The following MYO15A variants were observed in gnomAD, a reference collection of about 807,000 sequenced individuals.
The protein encoded by MYO15A is myosin XVA, also known as unconventional myosin-XV.
MYO15A carries 308 observed loss-of-function variants against 394.6 expected under a neutral mutation model. That is an observed-to-expected ratio of 0.78 (90% CI 0.71 to 0.86). The LOEUF (loss-of-function observed/expected upper bound fraction) is 0.86. Ranked by LOEUF, MYO15A falls within the 40% of genes least tolerant of loss-of-function variation. MYO15A has a pLI of 0.00. For synonymous variants in MYO15A, 1,957 were observed against 2,003.8 expected (o/e 0.98, Z 0.62); for missense variants, 4,606 against 4,799.1 (o/e 0.96, Z 1.19).
At position 18,153,448 on chromosome 17, in the gene MYO15A, G is replaced by C. The variant is rs902457785; in HGVS notation, c.7967-327G>C. 1 of 161,694 alleles carries C rather than the reference G, an allele frequency of 6.2e-6. No homozygotes were observed. Among genetic ancestry groups the C allele is most frequent in the Non-Finnish European group, 1.3e-5 (1 of 74,942 alleles). 10.0% of individuals were successfully genotyped at this position (161,694 alleles called of 1,614,324 possible). A position where few individuals can be genotyped will look rare whatever the true frequency, so the allele number is the denominator to read the frequency against. On this transcript the variant is annotated intron_variant, in intron 42 of 65. Coordinates refer to ENST00000647165, the MANE Select transcript of MYO15A (RefSeq NM_016239.4). This position sits in a 1 kb window ranked among gnomAD's most constrained non-coding sequence, Gnocchi z 4.1. ...GCAGTAGCTCATGCCTGTAATCCCA[G>C]CACTTTGGGAGGCCGAGGCGGGCGG...
rs1041983008 is a variant in MYO15A, at chr17:18,156,970, T to A, written c.8618T>A (p.Val2873Asp). ...CTGACCCAGGACTCTGACTACGTGG[T>A]CGCTGTGAGGAACTTCCTGCCTGAG... ...LELKKDSDYVVAVRNFLPEDP... is the reference protein window; with the variant it reads ...LELKKDSDYVDAVRNFLPEDP... The change falls in exon 49 of 66, where the codon GTC becomes GAC. Residue 2873 changes from valine to aspartate, a missense_variant. Val to Asp is a radical substitution (Grantham distance 152, BLOSUM62 -3). This residue lies in a region of MYO15A where 2,776 missense variants were observed against 3,109.3 expected (regional missense o/e 0.89). Transcript: ENST00000647165. The A allele has an allele frequency of 6.2e-7, 1 of 1,614,162 alleles. No homozygotes were observed. The highest frequency in any genetic ancestry group is 8.5e-7 in the Non-Finnish European group (1 of 1,180,024).
rs2045804808 is a variant in MYO15A, at chr17:18,117,346, G to A, written c.-219-1236G>A. On this transcript the variant is annotated intron_variant, in intron 1 of 65. Transcript: ENST00000647165. This position sits in a 1 kb window ranked among gnomAD's most constrained non-coding sequence, Gnocchi z 4.1. ...CTCTCTGCTCCTGCCACTTACCTGGGAAGGCCTCACCCTGTCCCTGTTTCA... is the reference window on the plus strand; with the variant it reads ...CTCTCTGCTCCTGCCACTTACCTGGAAAGGCCTCACCCTGTCCCTGTTTCA... Among the ~76,000 whole-genome samples, 1 of 152,252 alleles carries A rather than the reference G, an allele frequency of 6.6e-6. No individual in the cohort carries two copies. The highest frequency in any genetic ancestry group is 2.1e-4 in the South Asian group (1 of 4,830).
intron 65 of MYO15A, chr17:18,178,392 AT>A (rs2047044747): frequency 3.0e-6 from 1 of 335,366 alleles, no homozygotes; most frequent in Admixed American, 4.0e-5. Context: ...AAGAATTTAC[AT>A]GCAATAAAGC....
Position 18,119,953 on chromosome 17 carries a change from T to C in MYO15A, c.1153T>C (p.Tyr385His), listed in dbSNP as rs1412084949. The change falls in exon 2 of 66, where the codon TAT (tyrosine) becomes CAT (histidine). Residue 385 changes from tyrosine (Y) to histidine (H), a missense_variant. Around this residue, in one of 2 missense-constraint regions of MYO15A, gnomAD observed 1,830 missense variants for 1,689.7 expected, o/e 1.08. Coordinates refer to ENST00000647165, the MANE Select transcript of MYO15A (RefSeq NM_016239.4). Reference sequence around the variant, plus strand: ...CACCGTCCCCTATGCCGAAGGCGTCTATGGCGGTGGGGACGAGGCCATCTA... The same window carrying C: ...CACCGTCCCCTATGCCGAAGGCGTCCATGGCGGTGGGGACGAGGCCATCTA... ...HYTVPYAEGV[Y>H]GGGDEAIYPP... The C allele has an allele frequency of 3.7e-6, 6 of 1,613,708 alleles. No individual in the cohort carries two copies. The highest frequency in any genetic ancestry group is 1.3e-5 in the African/African-American group (1 of 75,034).
At chr17:18,144,374 C>T in intron 28 of MYO15A, 123 bp from the exon 29 acceptor site, 4 of 932,544 alleles carry the variant, frequency 4.3e-6, no homozygotes, top group Non-Finnish European at 6.9e-6. Context: ...TTTCCCCATC[C>T]ATACACTGAG....
Position 18,121,624 on chromosome 17 carries a change from C to G in MYO15A, c.2824C>G (p.Pro942Ala). Residue 942 changes from proline (P) to alanine (A), a missense_variant, in exon 2 of 66, where the codon CCC becomes GCC. By Grantham distance (27) the Pro-to-Ala change is conservative (BLOSUM62 -1). This residue lies in a region of MYO15A where 1,830 missense variants were observed against 1,689.7 expected (regional missense o/e 1.08). Transcript: ENST00000647165. The surrounding 1 kb of genome is among the most constrained non-coding windows in gnomAD (Gnocchi z 5.3). ...DMPPTQRPPSPWPGGAGSRRG... is the reference protein window; with the variant it reads ...DMPPTQRPPSAWPGGAGSRRG... ...GCCTCCCACCCAACGCCCACCCTCCCCCTGGCCAGGAGGTGCAGGCAGCCG... is the reference window on the plus strand; with the variant it reads ...GCCTCCCACCCAACGCCCACCCTCCGCCTGGCCAGGAGGTGCAGGCAGCCG... The G allele has an allele frequency of 6.2e-7, 1 of 1,602,858 alleles. No individual in the cohort carries two copies. The highest frequency in any genetic ancestry group is 8.5e-7 in the Non-Finnish European group (1 of 1,174,744).
In MYO15A at chr17:18,159,947, C is replaced by G. The variant is rs1204323262; in HGVS notation, c.9316C>G (p.His3106Asp). Residue 3106 changes from histidine to aspartate, a missense_variant, in exon 56 of 66, where the codon CAT becomes GAT. Transcript: ENST00000647165. The stretch of plus-strand genomic sequence containing the variant: ...TGCCCCCCTTCAGCTGTGCGGGGAC[C>G]ATGAGGTCATGCGGGATGAATGTTA... ...LCNLLKLCGDHEVMRDECYCQ... is the reference protein window; with the variant it reads ...LCNLLKLCGDDEVMRDECYCQ... The G allele has an allele frequency of 1.2e-6, 2 of 1,614,082 alleles. No individual in the cohort carries two copies. The highest frequency in any genetic ancestry group is 8.5e-7 in the Non-Finnish European group (1 of 1,179,996).
intron 3 of MYO15A, chr17:18,124,874 T>C: frequency 1.7e-6 from 1 of 586,406 alleles, no homozygotes; most frequent in South Asian, 2.0e-5. Flanking sequence ...TTGGAGGTAC[T>C]CAAAACATGA....
Position 18,162,312 on chromosome 17 carries a change from G to A in MYO15A, c.9518-273G>A, listed in dbSNP as rs563241511. Among the ~76,000 whole-genome samples the A allele has an allele frequency of 5.9e-5, 9 of 152,236 alleles. No individual in the cohort carries two copies. The South Asian group carries it at 1.9e-3, about 32-fold the overall frequency. On this transcript the variant is annotated intron_variant, in intron 57 of 65. Transcript: ENST00000647165. ...AGCTCAGGGTGACAGCGGTTTCCAGGCGTATAGGTTGCCAAGGGGACTATG... is the reference window on the plus strand; with the variant it reads ...AGCTCAGGGTGACAGCGGTTTCCAGACGTATAGGTTGCCAAGGGGACTATG...
At chr17:18,156,042 A>G (rs2046668980) in intron 47 of MYO15A, 153 bp from the exon 48 acceptor site, 2 of 1,171,748 alleles carry the variant, frequency 1.7e-6, no homozygotes, top group Non-Finnish European at 2.4e-6. Context: ...CAGAGAGGGG[A>G]AGCAGGAAGC....
At position 18,119,976 on chromosome 17, in the gene MYO15A, C is replaced by G; in HGVS notation, c.1176C>G (p.Ile392Met). 2 of 1,613,690 alleles carry G rather than the reference C, an allele frequency of 1.2e-6. No homozygotes were observed. Residue 392 changes from isoleucine (I) to methionine (M), a missense_variant, in exon 2 of 66, where the codon ATC (isoleucine) becomes ATG (methionine). Ile to Met is a conservative substitution (Grantham distance 10, BLOSUM62 1). This residue lies in a region of MYO15A where 1,830 missense variants were observed against 1,689.7 expected (regional missense o/e 1.08). Transcript: ENST00000647165. ...TCTATGGCGGTGGGGACGAGGCCAT[C>G]TACCCCCCCGAGGTGCCCTATTTTT... ...EGVYGGGDEA[I>M]YPPEVPYFYP...
Position 18,120,563 on chromosome 17 carries a change from G to A in MYO15A, c.1763G>A (p.Arg588Gln), listed in dbSNP as rs532753112. 6 of 1,598,582 alleles carry A rather than the reference G, an allele frequency of 3.8e-6. No homozygotes were observed. Among genetic ancestry groups the A allele is most frequent in the East Asian group, 2.3e-5 (1 of 44,410 alleles). ...KTLSEKKPIA[R>Q]LRGSQKARAG... ...CTGTCGGAGAAGAAGCCCATCGCGC[G>A]GCTCAGGGGCAGCCAGAAGGCCCGG... The change falls in exon 2 of 66, where the codon CGG becomes CAG. Residue 588 changes from arginine to glutamine, a missense_variant. Physicochemically the swap from Arg to Gln is conservative, Grantham distance 43. Transcript: ENST00000647165.
In MYO15A at chr17:18,179,682, A is replaced by G. The variant is rs981600111; in HGVS notation, c.*812A>G. ...TGGAAGACAGCAGGATAAACATTCC[A>G]GAGAAAATCATGTTTATTCCCTGCT... On this transcript the variant is annotated 3_prime_UTR_variant, in exon 66 of 66. Transcript: ENST00000647165. 11 of 152,360 alleles carry G rather than the reference A, an allele frequency of 7.2e-5. No individual in the cohort carries two copies. In the East Asian group the frequency reaches 9.6e-4, roughly 13 times the overall value. 9.4% of individuals were successfully genotyped at this position (152,360 alleles called of 1,614,324 possible).
intron 16 of MYO15A, 112 bp from the exon 17 acceptor site, chr17:18,138,003 A>T: frequency 7.3e-7 from 1 of 1,376,882 alleles, no homozygotes; most frequent in Non-Finnish European, 9.7e-7. Flanking sequence ...TCTGGGAGGT[A>T]TGCAAGCAGA....
In MYO15A at chr17:18,148,968, G is replaced by T; in HGVS notation, c.6956+16G>T. On this transcript the variant is annotated intron_variant, in intron 33 of 65. Transcript: ENST00000647165. This position sits in a 1 kb window ranked among gnomAD's most constrained non-coding sequence, Gnocchi z 4.8. ...GCCCCAAAGTGTAGGTAGCTATGGG[G>T]GACCCCCTCACAGATGGCCACTCCC... is the stretch of plus-strand genomic sequence containing the variant. The T allele has an allele frequency of 6.4e-7, 1 of 1,573,700 alleles. No homozygotes were observed.
intron 1 of MYO15A, among the ~76,000 whole-genome samples, chr17:18,113,255 G>A (rs913238349): frequency 1.3e-5 from 2 of 152,062 alleles, no homozygotes; most frequent in South Asian, 2.1e-4. Flanking sequence ...TGGCTCAAGC[G>A]ATCCTCCCAC....
intron 27 of MYO15A, 21 bp downstream of exon 27, chr17:18,143,817 G>C: frequency 6.4e-7 from 1 of 1,572,858 alleles, no homozygotes; most frequent in Non-Finnish European, 8.6e-7. Context: ...ACCAGGCGGG[G>C]GGAGGGCCCA....
intron 18 of MYO15A, 73 bp downstream of exon 18, chr17:18,139,009 C>T (rs2046331731): frequency 8.3e-6 from 13 of 1,559,470 alleles, no homozygotes; most frequent in Non-Finnish European, 1.1e-5. Context: ...AGAAGCACAA[C>T]ACTGGCCCCA....
At chr17:18,149,678 C>G (rs1267512562) in intron 35 of MYO15A, 98 bp downstream of exon 35, 1 of 1,276,768 alleles carries the variant, frequency 7.8e-7, no homozygotes, top group African/African-American at 1.5e-5. Flanking sequence ...CTTCTCACAG[C>G]CAGGGTCATG....
Sources: allele counts gnomAD v4.1 joint callset (sites outside exome capture counted in the v4.1 genomes callset), GRCh38; gene constraint gnomAD v4.1.1; regional missense constraint gnomAD v4.1.1; non-coding constraint Gnocchi (gnomAD v3.1); transcripts MANE v1.5; gene names NCBI Gene and HGNC (gene_info 2026-07-23, HGNC 2026-07-21).